The following PCDHA8 variants were observed in gnomAD, a reference collection of about 807,000 sequenced individuals.
PCDHA8 encodes the protein protocadherin alpha 8.
A neutral mutation model predicts 61.8 loss-of-function variants in PCDHA8; 53 were observed. The ratio of observed to expected loss-of-function variants is 0.86; its 90% CI spans 0.69 to 1.08. PCDHA8 has a LOEUF of 1.08. PCDHA8 is among the 50% of genes least tolerant of loss of function. The probability of loss-of-function intolerance (pLI) is 0.00; values close to 1 mark genes in which losing one functional copy is unlikely to be tolerated. For synonymous variants in PCDHA8, 618 were observed against 556.6 expected (o/e 1.11, Z -1.55); for missense variants, 1,293 against 1,245.0 (o/e 1.04, Z -0.58).
At chr5:140,886,042 A>G (rs1450330062) in intron 1 of PCDHA8, among the ~76,000 whole-genome samples, 1 of 152,222 alleles carries the variant, frequency 6.6e-6, no homozygotes, top group African/African-American at 2.4e-5. Context: ...GTTTTCCCCA[A>G]TAGTAACATC....
chr5:140,980,856 G>GT (rs2096908809), intron 2 of PCDHA8, among the ~76,000 whole-genome samples: 1 of 151,886 alleles, frequency 6.6e-6, no homozygotes, highest in Admixed American at 6.6e-5. Context: ...AATCTTTTTC[G>GT]TATGTGTGCT....
intron 1 of PCDHA8, among the ~76,000 whole-genome samples, chr5:140,963,794 A>G (rs2095791576): frequency 6.6e-6 from 1 of 152,248 alleles, no homozygotes; most frequent in Non-Finnish European, 1.5e-5. Flanking sequence ...ACAATAATGT[A>G]CTTAACTAGT....
intron 1 of PCDHA8, among the ~76,000 whole-genome samples, chr5:140,887,536 C>G (rs2153420652): frequency 6.6e-6 from 1 of 152,238 alleles, no homozygotes; most frequent in African/African-American, 2.4e-5. Context: ...CTTCCTCTCC[C>G]CACCCCTCAT....
intron 1 of PCDHA8, chr5:140,966,584 G>C (rs1227691524): frequency 7.4e-6 from 4 of 541,586 alleles, no homozygotes; most frequent in African/African-American, 6.0e-5. Context: ...CAGCGAGGAC[G>C]GTGGGGCCAG....
chr5:140,981,042 C>A (rs782145088), intron 2 of PCDHA8, among the ~76,000 whole-genome samples: 22 of 151,970 alleles, frequency 1.4e-4, no homozygotes, highest in Non-Finnish European at 2.9e-4. Flanking sequence ...GGAAAAAAAA[C>A]AGATAATTCT....
chr5:140,917,669 C>G (rs555314392), intron 1 of PCDHA8, among the ~76,000 whole-genome samples: 2 of 152,140 alleles, frequency 1.3e-5, no homozygotes, highest in Non-Finnish European at 2.9e-5. Context: ...AGTCCTTTCT[C>G]CATTGCTTGT....
chr5:140,876,718 G>C, intron 1 of PCDHA8: 1 of 1,614,242 alleles, frequency 6.2e-7, no homozygotes, highest in Non-Finnish European at 8.5e-7. Context: ...CCTGGACCGC[G>C]AGAGCGTGTC....
At chr5:140,987,268 C>T (rs190952772) in intron 3 of PCDHA8, among the ~76,000 whole-genome samples, 177 of 151,894 alleles carry the variant, frequency 1.2e-3, no homozygotes, top group African/African-American at 4.1e-3. Flanking sequence ...GAATGGGACC[C>T]GGCAGTCTAT....
At position 140,962,458 on chromosome 5, in the gene PCDHA8, G is replaced by A. The variant is rs535139362; in HGVS notation, c.2395-16491G>A. ...CCAAAGATGGCTTGAATCTCTTATG[G>A]CTTGAATCTCTTTGTTTATTCTAAG... On this transcript the variant is annotated intron_variant, in intron 1 of 3. Transcript: ENST00000531613. Among the ~76,000 whole-genome samples, 222 of 152,088 alleles carry A rather than the reference G, an allele frequency of 1.5e-3. 9 individuals carry two copies. In the South Asian group the frequency reaches 0.044, roughly 30 times the overall value.
At chr5:140,997,727 C>G (rs2097783097) in intron 3 of PCDHA8, among the ~76,000 whole-genome samples, 1 of 151,244 alleles carries the variant, frequency 6.6e-6, no homozygotes, top group Admixed American at 6.6e-5. Flanking sequence ...TACGTCAGTA[C>G]ATATAGATTT....
chr5:140,878,348 T>G (rs55915538), intron 1 of PCDHA8, among the ~76,000 whole-genome samples: 4,312 of 152,298 alleles, frequency 0.028, 189 homozygotes, highest in African/African-American at 0.098. Flanking sequence ...ATCACAATAA[T>G]ATAAATGATA....
intron 1 of PCDHA8, chr5:140,848,372 A>G: frequency 1.7e-6 from 2 of 1,150,006 alleles, no homozygotes; most frequent in South Asian, 3.0e-5. Context: ...AAGAGGCTCA[A>G]TTCTTTTTCA....
chr5:140,900,518 C>G (rs1444768233), intron 1 of PCDHA8, among the ~76,000 whole-genome samples: 1 of 152,228 alleles, frequency 6.6e-6, no homozygotes, highest in Admixed American at 6.5e-5. Flanking sequence ...CTCAGGTGAT[C>G]TGCCCACCTC....
chr5:140,891,712 C>T (rs2063219356), intron 1 of PCDHA8, among the ~76,000 whole-genome samples: 1 of 152,148 alleles, frequency 6.6e-6, no homozygotes, highest in Non-Finnish European at 1.5e-5. Context: ...TTTGTACCCC[C>T]AAATTCATGT....
Position 140,842,518 on chromosome 5 carries a change from C to G in PCDHA8, c.1197C>G (p.Ser399=), listed in dbSNP as rs2150337921. 3.1e-6 allele frequency: 5 copies of G among 1,613,574 alleles called. 1 individual carries two copies. The South Asian group carries it at 5.5e-5, about 18-fold the overall frequency. ...CCCATGTCCCCTTCAAGCTGGTGTC[C>G]ACCTTCAAGAATTACTACTCGTTGG... ...LMPHVPFKLV[S]TFKNYYSLVL... is the part of the protein sequence containing the mutation. Residue 399 remains serine (S), a synonymous_variant, in exon 1 of 4, where the codon TCC becomes TCG. Coordinates refer to ENST00000531613, the MANE Select transcript of PCDHA8 (RefSeq NM_018911.3).
chr5:140,980,294 A>G (rs1325974235), intron 2 of PCDHA8, among the ~76,000 whole-genome samples: 1 of 152,234 alleles, frequency 6.6e-6, no homozygotes, highest in Non-Finnish European at 1.5e-5. Context: ...TACCAAAGCT[A>G]TGAGTTGTGC....
At chr5:140,875,667 G>A (rs376967983) in intron 1 of PCDHA8, 10 of 1,613,820 alleles carry the variant, frequency 6.2e-6, no homozygotes, top group East Asian at 4.5e-5. Flanking sequence ...GCCTGTTCCG[G>A]GTGGCGTCCA....
intron 3 of PCDHA8, among the ~76,000 whole-genome samples, chr5:140,991,053 A>G (rs2097429648): frequency 6.6e-6 from 1 of 152,220 alleles, no homozygotes; most frequent in Non-Finnish European, 1.5e-5. Context: ...TGAGAGAAGT[A>G]CATTATTATT....
At chr5:140,875,958 C>A in intron 1 of PCDHA8, 1 of 1,614,080 alleles carries the variant, frequency 6.2e-7, no homozygotes, top group Middle Eastern at 1.6e-4. Context: ...ATGCGGATAT[C>A]GGCGTAAACT....
Sources: gnomAD v4.1 joint callset for allele counts (sites outside exome capture counted in the v4.1 genomes callset) on GRCh38, gnomAD v4.1.1 for gene constraint, MANE v1.5 for transcripts, NCBI Gene and HGNC (gene_info 2026-07-23, HGNC 2026-07-21) for gene names.